The following HACL2 variants were observed in gnomAD, a reference collection of about 807,000 sequenced individuals.
HACL2 encodes the protein 2-hydroxyacyl-CoA lyase 2.
chr19:15,123,293 C>T, the HACL2 span: 1 of 1,607,336 alleles, frequency 6.2e-7, no homozygotes, highest in South Asian at 1.1e-5. The surrounding 1 kb of genome is among the most constrained non-coding windows in gnomAD (Gnocchi z 5.1). Flanking sequence ...GGCCATTCTT[C>T]CACCTCTGAA....
chr19:15,116,791 C>T, the HACL2 span: 1 of 466,312 alleles, frequency 2.1e-6, no homozygotes, highest in Non-Finnish European at 3.8e-6. Context: ...TGGCCTCGTC[C>T]CCTCCCTCCA....
the HACL2 span, chr19:15,123,100 C>T: frequency 1.2e-6 from 2 of 1,613,030 alleles, no homozygotes; most frequent in African/African-American, 2.7e-5. This position sits in a 1 kb window ranked among gnomAD's most constrained non-coding sequence, Gnocchi z 5.1. Context: ...CCCACTGGCC[C>T]CCAAGGACTG....
chr19:15,123,410 G>A, the HACL2 span: 2 of 1,614,146 alleles, frequency 1.2e-6, no homozygotes, highest in Non-Finnish European at 1.7e-6. The surrounding 1 kb of genome is among the most constrained non-coding windows in gnomAD (Gnocchi z 5.1). Flanking sequence ...AGCAAAGACG[G>A]CCGTGACCTC....
chr19:15,117,674 G>A, the HACL2 span: 225 of 503,278 alleles, frequency 4.5e-4, no homozygotes, highest in African/African-American at 3.9e-3. Context: ...GCGAGACCTC[G>A]TCTCTAAAAA....
At chr19:15,119,408 C>G in the HACL2 span, 352,135 of 1,613,558 alleles carry the variant, frequency 0.22, 41,149 homozygotes, top group East Asian at 0.36. Context: ...GCAGGGCTGG[C>G]GCTTCTCACC....
the HACL2 span, chr19:15,122,951 A>G: frequency 5.6e-6 from 9 of 1,604,442 alleles, no homozygotes; most frequent in Non-Finnish European, 6.8e-6. The surrounding 1 kb of genome is among the most constrained non-coding windows in gnomAD (Gnocchi z 4.0). Flanking sequence ...AATGTCCCGC[A>G]CCCTCCGCAC....
chr19:15,121,167 G>C, the HACL2 span, among the ~76,000 whole-genome samples: 1 of 152,242 alleles, frequency 6.6e-6, no homozygotes. Flanking sequence ...GCTGAGGCAG[G>C]AGAATCACTT....
the HACL2 span, chr19:15,125,269 CG>C: frequency 1.7e-6 from 1 of 599,930 alleles, no homozygotes; most frequent in Non-Finnish European, 2.9e-6. Flanking sequence ...GACAAGGTCA[CG>C]CCCCTCGCGG....
the HACL2 span, chr19:15,115,057 G>T: frequency 4.6e-6 from 3 of 656,856 alleles, no homozygotes; most frequent in African/African-American, 5.4e-5. Context: ...GGCACAGTTG[G>T]GTCCGTGAAG....
the HACL2 span, chr19:15,123,706 G>C: frequency 4.1e-6 from 3 of 740,038 alleles, no homozygotes; most frequent in Non-Finnish European, 6.6e-6. The surrounding 1 kb of genome is among the most constrained non-coding windows in gnomAD (Gnocchi z 5.1). Context: ...GCTTGGTCTT[G>C]GTTAGGCATA....
At chr19:15,115,721 G>C in the HACL2 span, 1 of 1,585,812 alleles carries the variant, frequency 6.3e-7, no homozygotes, top group African/African-American at 1.3e-5. Context: ...CCATGGCTTG[G>C]CCAGCCAGAG....
chr19:15,123,490 G>T, the HACL2 span: 1 of 1,614,162 alleles, frequency 6.2e-7, no homozygotes, highest in Admixed American at 1.7e-5. This position sits in a 1 kb window ranked among gnomAD's most constrained non-coding sequence, Gnocchi z 5.1. Flanking sequence ...TGTGCCCACC[G>T]ACCAGCGTGA....
At chr19:15,117,878 C>T in the HACL2 span, 1 of 1,613,966 alleles carries the variant, frequency 6.2e-7, no homozygotes, top group South Asian at 1.1e-5. Context: ...TTAAGGGGCT[C>T]ACCCTGCACA....
the HACL2 span, chr19:15,123,082 C>G: frequency 5.6e-6 from 9 of 1,611,782 alleles, no homozygotes; most frequent in South Asian, 5.5e-5. The surrounding 1 kb of genome is among the most constrained non-coding windows in gnomAD (Gnocchi z 5.1). Context: ...TTCAAGCCCC[C>G]CTAGGCCCCC....
At chr19:15,117,001 C>T in the HACL2 span, 2 of 176,900 alleles carry the variant, frequency 1.1e-5, no homozygotes, top group Admixed American at 6.0e-5. Flanking sequence ...CTGTTCATCT[C>T]CAGTTCAGGC....
chr19:15,119,527 G>C, the HACL2 span: 1 of 1,608,540 alleles, frequency 6.2e-7, no homozygotes, highest in South Asian at 1.1e-5. Flanking sequence ...TGGAGCGAGA[G>C]GTGGGGATCA....
the HACL2 span, chr19:15,116,500 C>T: frequency 1.4e-5 from 23 of 1,613,620 alleles, no homozygotes; most frequent in East Asian, 6.7e-5. Context: ...CCACTAACTT[C>T]AGCACGAAGG....
At chr19:15,119,420 A>C in the HACL2 span, 1 of 1,614,062 alleles carries the variant, frequency 6.2e-7, no homozygotes, top group Non-Finnish European at 8.5e-7. Context: ...CTTCTCACCG[A>C]AGCTTGTCGG....
At chr19:15,123,056 G>A in the HACL2 span, 1 of 1,608,510 alleles carries the variant, frequency 6.2e-7, no homozygotes, top group Non-Finnish European at 8.5e-7. This position sits in a 1 kb window ranked among gnomAD's most constrained non-coding sequence, Gnocchi z 5.1. Flanking sequence ...GTGTGGCAGG[G>A]TTATCGCATG....
Sources: gnomAD v4.1 joint callset for allele counts (sites outside exome capture counted in the v4.1 genomes callset) on GRCh38, gnomAD v4.1.1 for gene constraint, Gnocchi (gnomAD v3.1) non-coding constraint, MANE v1.5 for transcripts, NCBI Gene and HGNC (gene_info 2026-07-23, HGNC 2026-07-21) for gene names.